Variants in RHBDF2 observed in about 807,000 individuals in gnomAD.
RHBDF2 encodes rhomboid 5 homolog 2, also known as inactive rhomboid protein 2.
RHBDF2 carries 38 observed loss-of-function variants against 95.2 expected under a neutral mutation model. The observed-to-expected ratio is 0.40, with a 90% CI of 0.31 to 0.52. RHBDF2 has a LOEUF of 0.52. Among genes scored for constraint, RHBDF2 ranks in the 20% least tolerant of loss-of-function variants. The probability of loss-of-function intolerance (pLI) is 0.56; values close to 1 mark genes in which losing one functional copy is unlikely to be tolerated. For missense variants in RHBDF2, 863 were observed against 1,137.7 expected, an observed-to-expected ratio of 0.76 and a Z score of 3.47; for synonymous variants, 442 against 462.0, an observed-to-expected ratio of 0.96 and a Z score of 0.55.
intron 5 of RHBDF2, 31 bp downstream of exon 5, chr17:76,479,051 C>T (rs1164851473): frequency 6.2e-7 from 1 of 1,612,270 alleles, no homozygotes; most frequent in Non-Finnish European, 8.5e-7. Flanking sequence ...TTAGGGTCCC[C>T]ACCCCTGCCT....
intron 1 of RHBDF2, chr17:76,492,998 C>A (rs570445382): frequency 1.3e-5 from 2 of 152,366 alleles, no homozygotes; most frequent in Non-Finnish European, 2.9e-5. Context: ...TGTGGGGAAA[C>A]CACCCCCTGG....
chr17:76,473,246 C>T lies in RHBDF2; in HGVS notation c.1809+6G>A. The T allele has an allele frequency of 6.2e-7, 1 of 1,611,850 alleles. No homozygotes were observed. The highest frequency in any genetic ancestry group is 8.5e-7 in the Non-Finnish European group (1 of 1,178,782). On this transcript the variant is annotated splice_donor_region_variant and intron_variant, in intron 16 of 18. Coordinates refer to ENST00000675367, the MANE Select transcript of RHBDF2 (RefSeq NM_001005498.4). Reference sequence around the variant, plus strand: ...CCTCCACTACTCCAGGCCTGCCTCGCCTCACCTGGGAGCAGAGTGTTGCTT... The same window carrying T: ...CCTCCACTACTCCAGGCCTGCCTCGTCTCACCTGGGAGCAGAGTGTTGCTT...
chr17:76,488,749 C>A (rs1235783422), intron 1 of RHBDF2, among the ~76,000 whole-genome samples: 1 of 152,088 alleles, frequency 6.6e-6, no homozygotes, highest in Non-Finnish European at 1.5e-5. Context: ...GAGTTCGAGA[C>A]CAGTCTGGCC....
intron 2 of RHBDF2, among the ~76,000 whole-genome samples, chr17:76,482,450 A>G (rs746348416): frequency 4.6e-5 from 7 of 151,894 alleles, no homozygotes; most frequent in Admixed American, 6.6e-5. Context: ...GTGCAAGCTC[A>G]CTGTGCCCAG....
chr17:76,486,133 G>C (rs1417772343), intron 2 of RHBDF2, among the ~76,000 whole-genome samples: 1 of 151,646 alleles, frequency 6.6e-6, no homozygotes, highest in Non-Finnish European at 1.5e-5. Context: ...TTTTGAGACA[G>C]AGTCTTGCTC....
At chr17:76,478,288 G>T (rs771666640) in intron 6 of RHBDF2, among the ~76,000 whole-genome samples, 1 of 152,206 alleles carries the variant, frequency 6.6e-6, no homozygotes, top group Non-Finnish European at 1.5e-5. Context: ...CCTGGCCCTT[G>T]CATAGGCCAT....
chr17:76,471,799 C>T lies in RHBDF2; in HGVS notation c.2318G>A (p.Arg773Gln), dbSNP rs1481495660. 6 of 1,605,074 alleles carry T rather than the reference C, an allele frequency of 3.7e-6. No individual in the cohort carries two copies. The highest frequency in any genetic ancestry group is 1.6e-4 in the Middle Eastern group (1 of 6,076). ...CAGCAGTGACACCAGGATGAGTGCC[C>T]GCTTGCGGTACTTGTCGCTGGTGCC... ...TFGTSDKYRKRALILVSLLAF... is the reference protein window; with the variant it reads ...TFGTSDKYRKQALILVSLLAF... The change falls in exon 19 of 19, where the codon CGG (arginine) becomes CAG (glutamine). Residue 773 changes from arginine (R) to glutamine (Q), a missense_variant. By Grantham distance (43) the Arg-to-Gln change is conservative (BLOSUM62 1). Around this residue, in one of 2 missense-constraint regions of RHBDF2, gnomAD observed 252 missense variants for 412.2 expected, o/e 0.61. Coordinates refer to ENST00000675367, the MANE Select transcript of RHBDF2 (RefSeq NM_001005498.4).
chr17:76,473,972 G>C, intron 13 of RHBDF2, 61 bp downstream of exon 13: 2 of 1,605,272 alleles, frequency 1.2e-6, no homozygotes, highest in Non-Finnish European at 1.7e-6. Context: ...CGTCCCTGTG[G>C]GTGGCTCAGA....
intron 2 of RHBDF2, among the ~76,000 whole-genome samples, chr17:76,484,087 C>A (rs974002821): frequency 2.0e-5 from 3 of 151,960 alleles, no homozygotes; most frequent in Non-Finnish European, 2.9e-5. Flanking sequence ...CATGGAGAAA[C>A]CCCGTCTCTA....
At position 76,479,537 on chromosome 17, in the gene RHBDF2, C is replaced by T. The variant is rs367650745; in HGVS notation, c.272+196G>A. 759 of 739,864 alleles carry T rather than the reference C, an allele frequency of 1.0e-3. 12 individuals carry two copies. In the South Asian group the frequency reaches 0.011, roughly 11 times the overall value. 45.8% of individuals were successfully genotyped at this position (739,864 alleles called of 1,614,324 possible). A position where few individuals can be genotyped will look rare whatever the true frequency, so the allele number is the denominator to read the frequency against. The stretch of plus-strand genomic sequence containing the variant: ...TCCTCGAAGCCCCCCAGCCTCCACA[C>T]CGTGATATTCCGCAAAGCACATACC... On this transcript the variant is annotated intron_variant, in intron 4 of 18. Coordinates refer to ENST00000675367, the MANE Select transcript of RHBDF2 (RefSeq NM_001005498.4).
In RHBDF2 at chr17:76,477,348, T is replaced by C. The variant is rs559345859; in HGVS notation, c.802-50A>G. The stretch of plus-strand genomic sequence containing the variant: ...AGTGTAAGGAGTCTGTCCCAAACAC[T>C]GCCCCCCGGAACCTCAATTCAAGGG... On this transcript the variant is annotated intron_variant, in intron 7 of 18. Coordinates refer to ENST00000675367, the MANE Select transcript of RHBDF2 (RefSeq NM_001005498.4). The C allele has an allele frequency of 8.2e-6, 13 of 1,581,460 alleles. No individual in the cohort carries two copies. In the African/African-American group the frequency reaches 1.3e-4, roughly 16 times the overall value.
chr17:76,500,916 C>G (rs1371120930), intron 1 of RHBDF2: 1 of 152,528 alleles, frequency 6.6e-6, no homozygotes, highest in Non-Finnish European at 1.5e-5. Context: ...AACTTCGGCC[C>G]CGGTCCGCCC....
intron 7 of RHBDF2, 29 bp from the exon 8 acceptor site, chr17:76,477,327 T>C (rs111350830): frequency 6.2e-7 from 1 of 1,606,372 alleles, no homozygotes; most frequent in Non-Finnish European, 8.5e-7. Context: ...AAATACAGTG[T>C]AAGGAGTCTG....
intron 2 of RHBDF2, among the ~76,000 whole-genome samples, chr17:76,486,068 A>G (rs2074117164): frequency 8.0e-6 from 1 of 124,848 alleles, no homozygotes; most frequent in Non-Finnish European, 1.6e-5. Flanking sequence ...GTGAATATGT[A>G]TATATATGTA....
chr17:76,482,867 GA>G (rs11358592), intron 2 of RHBDF2, among the ~76,000 whole-genome samples: 1,526 of 140,564 alleles, frequency 0.011, 16 homozygotes, highest in African/African-American at 0.025. Context: ...TATGCTCATT[GA>G]AAAAAAAAAA....
intron 4 of RHBDF2, 143 bp from the exon 5 acceptor site, chr17:76,479,420 A>G: frequency 2.5e-6 from 3 of 1,219,526 alleles, no homozygotes; most frequent in South Asian, 2.6e-5. Flanking sequence ...CCCTGGCTGG[A>G]GCCCAGTGAC....
At chr17:76,486,002 T>C (rs1224093010) in intron 2 of RHBDF2, among the ~76,000 whole-genome samples, 1 of 151,814 alleles carries the variant, frequency 6.6e-6, no homozygotes, top group Non-Finnish European at 1.5e-5. Flanking sequence ...GGGTGCAGGC[T>C]TTCTTTAGGG....
chr17:76,479,535 C>T, intron 4 of RHBDF2, 198 bp downstream of exon 4: 1 of 745,508 alleles, frequency 1.3e-6, no homozygotes, highest in Non-Finnish European at 2.3e-6. Flanking sequence ...CCAGCCTCCA[C>T]ACCGTGATAT....
At position 76,483,821 on chromosome 17, in the gene RHBDF2, G is replaced by A. The variant is rs1044787190; in HGVS notation, c.-21-2276C>T. The stretch of plus-strand genomic sequence containing the variant: ...AAGTACATCCCAAATTTCAGTGGCT[G>A]TTGCCCAGTACCCCATCTGGGGCTT... On this transcript the variant is annotated intron_variant, in intron 2 of 18. Coordinates refer to ENST00000675367, the MANE Select transcript of RHBDF2 (RefSeq NM_001005498.4). Among the ~76,000 whole-genome samples the A allele has an allele frequency of 3.9e-5, 6 of 152,302 alleles. No individual in the cohort carries two copies. The East Asian group carries it at 1.2e-3, about 29-fold the overall frequency.
Sources: allele counts gnomAD v4.1 joint callset (sites outside exome capture counted in the v4.1 genomes callset), GRCh38; gene constraint gnomAD v4.1.1; regional missense constraint gnomAD v4.1.1; transcripts MANE v1.5; gene names NCBI Gene and HGNC (gene_info 2026-07-23, HGNC 2026-07-21).